Variants in BCL10 observed in about 807,000 individuals in gnomAD.
BCL10 encodes B-cell lymphoma/leukemia 10.
Under a neutral mutation model 19.2 loss-of-function variants are expected in BCL10, and 5 were observed. The ratio of observed to expected loss-of-function variants is 0.26; its 90% CI spans 0.14 to 0.55. The LOEUF (loss-of-function observed/expected upper bound fraction) is 0.55. BCL10 is among the 20% of genes least tolerant of loss of function. The pLI, the probability that BCL10 is intolerant of heterozygous loss-of-function variation, is 0.94. For synonymous variants in BCL10, 110 were observed against 98.8 expected (o/e 1.11, Z -0.67); for missense variants, 201 against 271.9 (o/e 0.74, Z 1.83).
rs1660537533 is a variant in BCL10 at position 85,276,495 on chromosome 1, G to A, written c.-143C>T. On this transcript the variant is annotated 5_prime_UTR_variant, in exon 1 of 3. Transcript: ENST00000648566. ...TCGGGAGAAAGACGGCCGCCCCTTC[G>A]GGAACAGAGGGACTCGGGGGTCAAA... 3 of 851,332 alleles carry A rather than the reference G, an allele frequency of 3.5e-6. No individual in the cohort carries two copies. The highest frequency in any genetic ancestry group is 1.7e-5 in the African/African-American group (1 of 59,702). The allele number at this position is 851,332 out of a possible 1,614,324, so 52.7% of individuals were successfully genotyped here. A position where few individuals can be genotyped will look rare whatever the true frequency, so the allele number is the denominator to read the frequency against.
chr1:85,276,589 C>G lies in BCL10; in HGVS notation c.-237G>C. ...AATCTACGCGACGCGACGCGGAGCT[C>G]GGAGCAGCGTTCCTTCCCTCTCGTA... On this transcript the variant is annotated 5_prime_UTR_variant, in exon 1 of 3. Coordinates refer to ENST00000648566, the MANE Select transcript of BCL10 (RefSeq NM_003921.5). 3.4e-6 allele frequency: 2 copies of G among 591,856 alleles called. No individual in the cohort carries two copies. Among genetic ancestry groups the G allele is most frequent in the East Asian group, 5.6e-5 (2 of 35,412 alleles). 36.7% of individuals were successfully genotyped at this position (591,856 alleles called of 1,614,324 possible).
At chr1:85,271,010 A>C in intron 1 of BCL10, 104 bp from the exon 2 acceptor site, 2 of 1,193,174 alleles carry the variant, frequency 1.7e-6, no homozygotes, top group Non-Finnish European at 2.4e-6. Flanking sequence ...AATGTTCTAA[A>C]GTCAGGAGGC....
chr1:85,272,207 G>A (rs2100749583), intron 1 of BCL10, among the ~76,000 whole-genome samples: 1 of 152,150 alleles, frequency 6.6e-6, no homozygotes. Flanking sequence ...TCCTTCAGGA[G>A]AAAATGGAAA....
chr1:85,276,454 G>C lies in BCL10; in HGVS notation c.-102C>G, dbSNP rs550556009. On this transcript the variant is annotated 5_prime_UTR_variant, in exon 1 of 3. Transcript: ENST00000648566. Reference sequence around the variant, plus strand: ...GCCTCCGGGTAATGGGGAAGAAGGAGAGGAGGCGGAGCGGGTCGGGAGAAA... The same window carrying C: ...GCCTCCGGGTAATGGGGAAGAAGGACAGGAGGCGGAGCGGGTCGGGAGAAA... 3 of 1,358,168 alleles carry C rather than the reference G, an allele frequency of 2.2e-6. No individual in the cohort carries two copies. Among genetic ancestry groups the C allele is most frequent in the Non-Finnish European group, 3.1e-6 (3 of 959,370 alleles). The allele number at this position is 1,358,168 out of a possible 1,614,324, so 84.1% of individuals were successfully genotyped here.
At chr1:85,276,256 G>GGCCCCCCCCCCCCC in intron 1 of BCL10, 40 bp downstream of exon 1, 2 of 1,603,268 alleles carry the variant, frequency 1.2e-6, no homozygotes, top group Non-Finnish European at 1.7e-6. Flanking sequence ...CTGGGCTGCA[G>GGCCCCCCCCCCCCC]CCCGCCCCCG....
chr1:85,276,542 C>G lies in BCL10; in HGVS notation c.-190G>C, dbSNP rs1202150215. 1 of 626,096 alleles carries G rather than the reference C, an allele frequency of 1.6e-6. No homozygotes were observed. Among genetic ancestry groups the G allele is most frequent in the Non-Finnish European group, 2.8e-6 (1 of 360,646 alleles). 38.8% of individuals were successfully genotyped at this position (626,096 alleles called of 1,614,324 possible). A position where few individuals can be genotyped will look rare whatever the true frequency, so the allele number is the denominator to read the frequency against. On this transcript the variant is annotated 5_prime_UTR_variant, in exon 1 of 3. Coordinates refer to ENST00000648566, the MANE Select transcript of BCL10 (RefSeq NM_003921.5). ...CAAACCGTAGCGCTTCCGGCCCCGC[C>G]TCTGAGGTCGACGGCGACGCGAATC...
rs1660240121 is a variant in BCL10 at position 85,267,713 on chromosome 1, C to G, written c.616G>C (p.Asp206His). The G allele has an allele frequency of 1.2e-6, 2 of 1,614,086 alleles. No homozygotes were observed. Among genetic ancestry groups the G allele is most frequent in the African/African-American group, 1.3e-5 (1 of 74,944 alleles). The change falls in exon 3 of 3, where the codon GAT (aspartate) becomes CAT (histidine). Residue 206 changes from aspartate (D) to histidine (H), a missense_variant. This residue lies in a region of BCL10 where 126 missense variants were observed against 136.6 expected (regional missense o/e 0.92). Transcript: ENST00000648566. ...GDPGAPPLPP[D>H]LQLEEEGTCA... ...GTTCCTTCTTCTTCTAACTGTAGAT[C>G]TGGTGGCAAAGGAGGAGCCCCTGGG...
At chr1:85,272,245 A>AT (rs984604363) in intron 1 of BCL10, among the ~76,000 whole-genome samples, 5 of 151,752 alleles carry the variant, frequency 3.3e-5, no homozygotes, top group Non-Finnish European at 7.4e-5. Context: ...ATTTTACTAA[A>AT]TTTTTTTTAA....
rs1321089414 is a variant in BCL10 at position 85,276,186 on chromosome 1, T to C, written c.57+110A>G. 1.9e-5 allele frequency: 27 copies of C among 1,394,208 alleles called. No homozygotes were observed. The Admixed American group carries it at 4.6e-4, about 24-fold the overall frequency. 86.4% of individuals were successfully genotyped at this position (1,394,208 alleles called of 1,614,324 possible). The stretch of plus-strand genomic sequence containing the variant: ...GTCCTCCTGTGCTAGGACTTTCCGC[T>C]CCTCCGACCTGGAGGATCCTCCTTG... On this transcript the variant is annotated intron_variant, in intron 1 of 2. Transcript: ENST00000648566.
intron 1 of BCL10, among the ~76,000 whole-genome samples, chr1:85,272,390 C>T (rs954156032): frequency 3.3e-5 from 5 of 151,000 alleles, no homozygotes; most frequent in African/African-American, 9.7e-5. Flanking sequence ...CCACCATGCC[C>T]GGCTAATTTT....
intron 2 of BCL10, 60 bp downstream of exon 2, chr1:85,270,558 T>C: frequency 2.0e-6 from 3 of 1,500,118 alleles, no homozygotes. Flanking sequence ...TGGCCTGCTC[T>C]GCATTTTTTA....
Position 85,270,906 on chromosome 1 carries a change from C to G in BCL10, c.58G>C (p.Ala20Pro). ...AGGTATACACGTAAATTTTCTAAGG[C>G]CTAAAAGACATAAAATATGGTTCAA... ...EEDLTEVKKDALENLRVYLCE... is the reference protein window; with the variant it reads ...EEDLTEVKKDPLENLRVYLCE... Residue 20 changes from alanine to proline, a missense_variant and splice_region_variant, in exon 2 of 3, where the codon GCC (alanine) becomes CCC (proline). By Grantham distance (27) the Ala-to-Pro change is conservative. Around this residue, in one of 3 missense-constraint regions of BCL10, gnomAD observed 51 missense variants for 118.8 expected, o/e 0.43. Transcript: ENST00000648566. The G allele has an allele frequency of 6.3e-7, 1 of 1,598,626 alleles. No homozygotes were observed. The highest frequency in any genetic ancestry group is 8.5e-7 in the Non-Finnish European group (1 of 1,176,696).
intron 2 of BCL10, among the ~76,000 whole-genome samples, chr1:85,269,606 T>G (rs925171726): frequency 2.0e-5 from 3 of 152,262 alleles, no homozygotes; most frequent in Non-Finnish European, 2.9e-5. Context: ...GGGACACTTA[T>G]AGACTATGAG....
intron 1 of BCL10, among the ~76,000 whole-genome samples, chr1:85,275,972 T>G (rs1036726827): frequency 6.6e-6 from 1 of 152,124 alleles, no homozygotes; most frequent in Non-Finnish European, 1.5e-5. Flanking sequence ...GAGCCGCCAG[T>G]CCCTAACGAA....
intron 1 of BCL10, among the ~76,000 whole-genome samples, chr1:85,274,655 G>GC (rs1230743860): frequency 6.6e-6 from 1 of 152,194 alleles, no homozygotes; most frequent in Non-Finnish European, 1.5e-5. Context: ...GACAAGGTGA[G>GC]CAATCTGTAG....
At chr1:85,268,016 G>C in intron 2 of BCL10, 34 bp from the exon 3 acceptor site, 2 of 1,396,934 alleles carry the variant, frequency 1.4e-6, no homozygotes, top group Non-Finnish European at 1.9e-6. Flanking sequence ...AAATGAAAAA[G>C]TAACTAAAAA....
intron 1 of BCL10, among the ~76,000 whole-genome samples, chr1:85,271,612 T>C (rs1260285706): frequency 6.6e-6 from 1 of 152,184 alleles, no homozygotes; most frequent in African/African-American, 2.4e-5. Context: ...TCTCAATAAA[T>C]GGCATTAATA....
rs2100740737 is a variant in BCL10 at position 85,266,232 on chromosome 1, C to T, written c.*1395G>A. 5.3e-6 allele frequency: 1 copy of T among 187,378 alleles called. No homozygotes were observed. The highest frequency in any genetic ancestry group is 1.9e-4 in the South Asian group (1 of 5,140). 11.6% of individuals were successfully genotyped at this position (187,378 alleles called of 1,614,324 possible). A position where few individuals can be genotyped will look rare whatever the true frequency, so the allele number is the denominator to read the frequency against. ...TACTTCCTACTGAAAATTTGGAACT[C>T]CAAAATAGCACTCACTACTTTAAAA... is the stretch of plus-strand genomic sequence containing the variant. On this transcript the variant is annotated 3_prime_UTR_variant, in exon 3 of 3. Coordinates refer to ENST00000648566, the MANE Select transcript of BCL10 (RefSeq NM_003921.5).
intron 1 of BCL10, among the ~76,000 whole-genome samples, chr1:85,275,950 A>C (rs1660513625): frequency 6.6e-6 from 1 of 152,208 alleles, no homozygotes; most frequent in Admixed American, 6.5e-5. Flanking sequence ...AGCCTGACTT[A>C]AGGATGAATC....
Sources: gnomAD v4.1 joint callset for allele counts (sites outside exome capture counted in the v4.1 genomes callset) on GRCh38, gnomAD v4.1.1 for gene constraint, gnomAD v4.1.1 regional missense constraint, MANE v1.5 for transcripts, NCBI Gene and HGNC (gene_info 2026-07-23, HGNC 2026-07-21) for gene names.